The following CABP1 variants were observed in gnomAD, a reference collection of about 807,000 sequenced individuals.
CABP1 encodes calcium binding protein 1, also known as calcium-binding protein 1.
Under a neutral mutation model 34.3 loss-of-function variants are expected in CABP1, and 17 were observed. The ratio of observed to expected loss-of-function variants is 0.50; its 90% confidence interval spans 0.34 to 0.74. CABP1 has a LOEUF of 0.74. CABP1 is among the 30% of genes least tolerant of loss of function. CABP1 has a pLI of 0.01. For synonymous variants in CABP1, 198 were observed against 229.2 expected (o/e 0.86, Z 1.23); for missense variants, 373 against 511.1 (o/e 0.73, Z 2.61).
chr12:120,659,706 G>C, intron 1 of CABP1, 172 bp from the exon 2 acceptor site: 1 of 594,020 alleles, frequency 1.7e-6, no homozygotes, highest in Non-Finnish European at 3.0e-6. Flanking sequence ...CTATGTCTAA[G>C]GGAGATGTGG....
chr12:120,645,385 C>A lies in CABP1; in HGVS notation c.654+4046C>A, dbSNP rs573706632. ...AGAGCCTCCAGGAGGTCAGCCTTTA[C>A]CTCCAGCTGTTTTTGAGAGGCAACA... On this transcript the variant is annotated intron_variant, in intron 1 of 5. Transcript: ENST00000316803. Among the ~76,000 whole-genome samples, 351 of 152,250 alleles carry A rather than the reference C, an allele frequency of 2.3e-3. 1 individual carries two copies. Among genetic ancestry groups the A allele is most frequent in the African/African-American group, 7.8e-3 (324 of 41,512 alleles).
chr12:120,648,491 C>T (rs1879652853), intron 1 of CABP1, among the ~76,000 whole-genome samples: 1 of 152,172 alleles, frequency 6.6e-6, no homozygotes, highest in Non-Finnish European at 1.5e-5. Context: ...CGGTGTCTTA[C>T]ACTTTCTCAT....
chr12:120,656,361 T>G, intron 1 of CABP1: 1 of 1,259,074 alleles, frequency 7.9e-7, no homozygotes, highest in Non-Finnish European at 1.1e-6. Context: ...TATACAGAGC[T>G]CACACCCCCA....
At chr12:120,655,579 G>A (rs1184571169) in intron 1 of CABP1, 2 of 1,280,136 alleles carry the variant, frequency 1.6e-6, no homozygotes, top group Middle Eastern at 3.0e-4. Context: ...TGCCAGCTCC[G>A]ATTGCCCTCA....
chr12:120,644,953 T>C (rs1879481939), intron 1 of CABP1, among the ~76,000 whole-genome samples: 2 of 152,178 alleles, frequency 1.3e-5, no homozygotes, highest in African/African-American at 4.8e-5. Flanking sequence ...TACAGGTGCC[T>C]GCCACCGCAC....
intron 1 of CABP1, among the ~76,000 whole-genome samples, chr12:120,654,155 T>C (rs1170063009): frequency 6.6e-6 from 1 of 152,198 alleles, no homozygotes; most frequent in Non-Finnish European, 1.5e-5. Flanking sequence ...TCTTGGCCTG[T>C]CTGACATCCC....
At chr12:120,672,022 C>G (rs1345700157), downstream of CABP1, among the ~76,000 whole-genome samples, 2 of 151,816 alleles carry the variant, frequency 1.3e-5, no homozygotes, top group Admixed American at 1.3e-4. Context: ...GAGCTATGAT[C>G]ACGCCATTGT....
the CABP1 span, among the ~76,000 whole-genome samples, chr12:120,679,438 T>C: frequency 6.6e-6 from 1 of 152,218 alleles, no homozygotes; most frequent in African/African-American, 2.4e-5. Context: ...TTTGAGGTCA[T>C]TAAGAGCATC....
chr12:120,659,484 TTC>T (rs1880483245), intron 1 of CABP1: 1 of 172,984 alleles, frequency 5.8e-6, no homozygotes, highest in South Asian at 1.7e-4. Flanking sequence ...CTCTGACTCA[TTC>T]TTTTTTTGTT....
At chr12:120,675,114 G>A in the CABP1 span, among the ~76,000 whole-genome samples, 28 of 152,180 alleles carry the variant, frequency 1.8e-4, 1 homozygote, top group East Asian at 5.0e-3. Flanking sequence ...GTGCAGTGGT[G>A]TGATCTCGGC....
Position 120,640,774 on chromosome 12 carries a change from C to T in CABP1, c.89C>T (p.Pro30Leu). The T allele has an allele frequency of 2.6e-6, 3 of 1,149,990 alleles. No homozygotes were observed. Among genetic ancestry groups the T allele is most frequent in the Non-Finnish European group, 3.2e-6 (3 of 935,964 alleles). The allele number at this position is 1,149,990 out of a possible 1,614,324, so 71.2% of individuals were successfully genotyped here. The stretch of plus-strand genomic sequence containing the variant: ...CTCGGGCTTGGCTCCCGCCGGGAGC[C>T]CCGTTCTCTGCCCGCCGGGGGCCCC... ...RVLGLGSRRE[P>L]RSLPAGGPAP... The change falls in exon 1 of 6, where the codon CCC becomes CTC. Residue 30 changes from proline to leucine, a missense_variant. Pro to Leu is a moderately conservative substitution (Grantham distance 98, BLOSUM62 -3). Coordinates refer to ENST00000316803, the MANE Select transcript of CABP1 (RefSeq NM_001033677.2). The surrounding 1 kb of genome is among the most constrained non-coding windows in gnomAD (Gnocchi z 6.2).
At position 120,661,352 on chromosome 12, in the gene CABP1, C is replaced by G; in HGVS notation, c.1087+134C>G. 1.1e-6 allele frequency: 1 copy of G among 927,668 alleles called. No homozygotes were observed. 57.5% of individuals were successfully genotyped at this position (927,668 alleles called of 1,614,324 possible). ...CCCCAGCCCTTTCATCCTCTTATCC[C>G]TCCGTCCATGCCCCCGTCTAATCCA... On this transcript the variant is annotated intron_variant, in intron 5 of 5. Transcript: ENST00000316803. The surrounding 1 kb of genome is among the most constrained non-coding windows in gnomAD (Gnocchi z 5.1).
chr12:120,667,800 T>C (rs538583276), downstream of CABP1, among the ~76,000 whole-genome samples: 65 of 152,284 alleles, frequency 4.3e-4, no homozygotes, highest in Admixed American at 2.0e-3. Context: ...CATGCATTTA[T>C]TGAGTACCTA....
At chr12:120,665,759 C>T (rs376940068) in intron 5 of CABP1, among the ~76,000 whole-genome samples, 19 of 152,066 alleles carry the variant, frequency 1.2e-4, no homozygotes, top group Middle Eastern at 3.4e-3. Context: ...CGGTGGCTCA[C>T]GCCTGTAATC....
chr12:120,660,841 G>A lies in CABP1; in HGVS notation c.939+1G>A. 1 of 1,604,714 alleles carries A rather than the reference G, an allele frequency of 6.2e-7. No homozygotes were observed. The highest frequency in any genetic ancestry group is 8.5e-7 in the Non-Finnish European group (1 of 1,171,398). On this transcript the variant is annotated splice_donor_variant, in intron 4 of 5. Coordinates refer to ENST00000316803, the MANE Select transcript of CABP1 (RefSeq NM_001033677.2). LOFTEE classifies it high-confidence loss of function. The surrounding 1 kb of genome is among the most constrained non-coding windows in gnomAD (Gnocchi z 5.0). ...GGAACTGCGAGATGCTTTCCGAGAG[G>A]TAACGGACAGAGGCAGGCAGGCATG...
Position 120,667,321 on chromosome 12 carries a change from G to A in CABP1, c.*421G>A, listed in dbSNP as rs1196537865. On this transcript the variant is annotated 3_prime_UTR_variant, in exon 6 of 6. Transcript: ENST00000316803. ...AGAACCAATAAAAATATTTCCAAGA[G>A]CAAGACAGCCGTGATGGTCTTTCCT... 3 of 235,696 alleles carry A rather than the reference G, an allele frequency of 1.3e-5. No homozygotes were observed. The highest frequency in any genetic ancestry group is 1.7e-5 in the Non-Finnish European group (2 of 120,772). The allele number at this position is 235,696 out of a possible 1,614,324, so 14.6% of individuals were successfully genotyped here.
intron 1 of CABP1, among the ~76,000 whole-genome samples, chr12:120,647,560 CTTTTTTTTTTTTTTT>C (rs10557275): frequency 1.3e-5 from 1 of 75,666 alleles, no homozygotes; most frequent in Non-Finnish European, 2.3e-5. Context: ...CAGTCCAAGC[CTTTTTTTTTTTTTTT>C]TTTTTTTTTT....
chr12:120,653,693 G>A (rs1409224517), intron 1 of CABP1, among the ~76,000 whole-genome samples: 1 of 152,008 alleles, frequency 6.6e-6, no homozygotes, highest in African/African-American at 2.4e-5. Flanking sequence ...GCCACCACAC[G>A]CGGCTAATTT....
At chr12:120,671,989 G>T (rs1881265022), downstream of CABP1, among the ~76,000 whole-genome samples, 4 of 152,032 alleles carry the variant, frequency 2.6e-5, no homozygotes, top group African/African-American at 9.7e-5. Flanking sequence ...AATTGCTTGA[G>T]CCCAGGAGTT....
Sources: allele counts gnomAD v4.1 joint callset (sites outside exome capture counted in the v4.1 genomes callset), GRCh38; gene constraint gnomAD v4.1.1; non-coding constraint Gnocchi (gnomAD v3.1); transcripts MANE v1.5; gene names NCBI Gene and HGNC (gene_info 2026-07-23, HGNC 2026-07-21).